The following PPM1H variants were observed in gnomAD, a reference collection of about 807,000 sequenced individuals.
PPM1H encodes the protein protein phosphatase 1H.
In PPM1H, 27 loss-of-function variants were observed where a neutral mutation model predicts 54.9. The observed-to-expected ratio is 0.49, with a 90% CI of 0.36 to 0.68. The LOEUF (loss-of-function observed/expected upper bound fraction) is 0.68. PPM1H is among the 30% of genes least tolerant of loss of function. The pLI, the probability that PPM1H is intolerant of heterozygous loss-of-function variation, is 0.00. For missense variants in PPM1H, 596 were observed against 667.8 expected, an observed-to-expected ratio of 0.89 and a Z score of 1.19; for synonymous variants, 305 against 270.8, an observed-to-expected ratio of 1.13 and a Z score of -1.24.
chr12:62,670,454 G>T (rs1248989471), intron 8 of PPM1H, among the ~76,000 whole-genome samples: 1 of 152,128 alleles, frequency 6.6e-6, no homozygotes, highest in Non-Finnish European at 1.5e-5. Flanking sequence ...AGAGGGTTCA[G>T]GTCTGCAGAT....
At chr12:62,894,979 A>G (rs981360573) in intron 1 of PPM1H, among the ~76,000 whole-genome samples, 9 of 152,256 alleles carry the variant, frequency 5.9e-5, no homozygotes, top group Admixed American at 5.2e-4. Flanking sequence ...GTTTTTATAT[A>G]GTTACTGTTA....
intron 8 of PPM1H, among the ~76,000 whole-genome samples, chr12:62,680,936 T>C (rs960837713): frequency 1.3e-5 from 2 of 152,174 alleles, no homozygotes; most frequent in Admixed American, 1.3e-4. Context: ...GGTCCCTATT[T>C]GTCTGTAAGT....
intron 1 of PPM1H, among the ~76,000 whole-genome samples, chr12:62,897,135 A>G (rs1463750099): frequency 1.3e-5 from 2 of 151,746 alleles, no homozygotes; most frequent in Non-Finnish European, 2.9e-5. Context: ...AACATTAGGA[A>G]AAATACCTAA....
At chr12:62,883,581 A>G (rs1310277588) in intron 1 of PPM1H, among the ~76,000 whole-genome samples, 1 of 152,190 alleles carries the variant, frequency 6.6e-6, no homozygotes, top group African/African-American at 2.4e-5. Context: ...GATCTCTAAC[A>G]TGAGCAATAC....
chr12:62,714,396 A>G lies in PPM1H; in HGVS notation c.1073+5775T>C, dbSNP rs573646852. Among the ~76,000 whole-genome samples, 3 of 152,322 alleles carry G rather than the reference A, an allele frequency of 2.0e-5. No homozygotes were observed. The South Asian group carries it at 6.2e-4, about 32-fold the overall frequency. On this transcript the variant is annotated intron_variant, in intron 6 of 9. Coordinates refer to ENST00000228705, the MANE Select transcript of PPM1H (RefSeq NM_020700.2). ...AGTGGAAAATCCCCTATTTGCTCAT[A>G]GTTTTAAGGGAAACAGAGGAGGGAA...
chr12:62,891,271 A>G (rs188592215), intron 1 of PPM1H, among the ~76,000 whole-genome samples: 16 of 152,306 alleles, frequency 1.1e-4, no homozygotes, highest in Admixed American at 1.3e-4. Context: ...AACTCCATAA[A>G]AGCAGCAATC....
chr12:62,816,658 T>C (rs989967706), intron 2 of PPM1H, among the ~76,000 whole-genome samples: 2 of 152,000 alleles, frequency 1.3e-5, no homozygotes, highest in African/African-American at 4.8e-5. Flanking sequence ...TATATAAGGT[T>C]AAATAAATTA....
chr12:62,746,897 G>A (rs2076415171), intron 4 of PPM1H, among the ~76,000 whole-genome samples: 1 of 152,184 alleles, frequency 6.6e-6, no homozygotes, highest in African/African-American at 2.4e-5. Context: ...TGTGTCACTG[G>A]CTACAGCTAT....
chr12:62,732,850 T>C (rs1037233707), intron 5 of PPM1H, among the ~76,000 whole-genome samples: 1 of 152,156 alleles, frequency 6.6e-6, no homozygotes, highest in African/African-American at 2.4e-5. Flanking sequence ...AAATATAAAA[T>C]TTGATTTACC....
chr12:62,648,762 C>T (rs924591131), intron 9 of PPM1H, 126 bp from the exon 10 acceptor site: 37 of 1,059,666 alleles, frequency 3.5e-5, no homozygotes, highest in Admixed American at 1.1e-4. Context: ...ACTTACAATA[C>T]GAAAAAGACA....
intron 1 of PPM1H, among the ~76,000 whole-genome samples, chr12:62,876,313 T>C (rs1340225620): frequency 6.6e-6 from 1 of 152,220 alleles, no homozygotes; most frequent in Non-Finnish European, 1.5e-5. Context: ...GTATGCTTAG[T>C]ATGCTGTCAC....
intron 1 of PPM1H, among the ~76,000 whole-genome samples, chr12:62,933,562 T>A (rs188692874): frequency 6.6e-6 from 1 of 152,344 alleles, no homozygotes; most frequent in Admixed American, 6.5e-5. Flanking sequence ...GGTTCATTAA[T>A]AACCTTGAAT....
intron 8 of PPM1H, among the ~76,000 whole-genome samples, chr12:62,685,163 T>G (rs2076044508): frequency 6.6e-6 from 1 of 152,108 alleles, no homozygotes; most frequent in Admixed American, 6.6e-5. Context: ...CAGTGTTACT[T>G]TGCACAATTC....
intron 1 of PPM1H, among the ~76,000 whole-genome samples, chr12:62,911,812 C>G (rs1871468900): frequency 6.6e-6 from 1 of 152,178 alleles, no homozygotes; most frequent in African/African-American, 2.4e-5. Flanking sequence ...CTGTCATCTC[C>G]CCAAGAAAAC....
intron 1 of PPM1H, among the ~76,000 whole-genome samples, chr12:62,862,440 G>A (rs1215438397): frequency 6.6e-6 from 1 of 152,196 alleles, no homozygotes; most frequent in Non-Finnish European, 1.5e-5. Context: ...GTACTTCTGA[G>A]CATCTATCGA....
intron 6 of PPM1H, among the ~76,000 whole-genome samples, chr12:62,695,535 C>G (rs2078234): frequency 0.081 from 12,292 of 152,130 alleles, 1,254 homozygotes; most frequent in African/African-American, 0.23. Context: ...CTGTTTCCTT[C>G]CCCCAAATCT....
intron 5 of PPM1H, among the ~76,000 whole-genome samples, chr12:62,735,617 G>C (rs2076345734): frequency 6.6e-6 from 1 of 152,210 alleles, no homozygotes; most frequent in Non-Finnish European, 1.5e-5. Context: ...ACTAAGGTAA[G>C]TGGCCTGCCC....
chr12:62,902,954 G>T (rs1871201155), intron 1 of PPM1H, among the ~76,000 whole-genome samples: 1 of 152,150 alleles, frequency 6.6e-6, no homozygotes, highest in African/African-American at 2.4e-5. Flanking sequence ...CAAATGGGTT[G>T]AACTAATACC....
At chr12:62,736,925 A>G (rs1160644448) in intron 5 of PPM1H, among the ~76,000 whole-genome samples, 1 of 152,232 alleles carries the variant, frequency 6.6e-6, no homozygotes, top group African/African-American at 2.4e-5. Flanking sequence ...CAGAAAACTG[A>G]GCCCGCTCAT....
Sources: gnomAD v4.1 joint callset for allele counts (sites outside exome capture counted in the v4.1 genomes callset) on GRCh38, gnomAD v4.1.1 for gene constraint, MANE v1.5 for transcripts, NCBI Gene and HGNC (gene_info 2026-07-23, HGNC 2026-07-21) for gene names.